KAZN: variants seen among roughly 807,000 people sequenced by gnomAD.
KAZN encodes kazrin.
In KAZN, 40 loss-of-function variants were observed where a neutral mutation model predicts 87.4. The observed-to-expected ratio is 0.46, with a 90% CI of 0.36 to 0.60. The LOEUF (loss-of-function observed/expected upper bound fraction) is 0.60. Ranked by LOEUF, KAZN falls within the 20% of genes least tolerant of loss-of-function variation. The probability of loss-of-function intolerance (pLI) is 0.00; values close to 1 mark genes in which losing one functional copy is unlikely to be tolerated. For synonymous variants in KAZN, 466 were observed against 458.3 expected, an observed-to-expected ratio of 1.02 and a Z score of -0.22; for missense variants, 898 against 1,073.9, an observed-to-expected ratio of 0.84 and a Z score of 2.29.
intron 1 of KAZN, among the ~76,000 whole-genome samples, chr1:14,833,969 TCACACA>T (rs56000715): frequency 0.02 from 2,794 of 141,798 alleles, 47 homozygotes; most frequent in African/African-American, 0.049. Flanking sequence ...CCCAAGTCAT[TCACACA>T]CACACACACA....
At chr1:14,273,140 A>C (rs1356755277) in intron 2 of KAZN, among the ~76,000 whole-genome samples, 1 of 152,096 alleles carries the variant, frequency 6.6e-6, no homozygotes, top group Non-Finnish European at 1.5e-5. Flanking sequence ...ATTGCAGATT[A>C]ACTTTAATAT....
rs112348246 is a variant in KAZN, at chr1:14,703,724, A to G, written c.226+104501A>G. ...GAGACTCTGTCTCTACAAAAGCACA[A>G]TAAAAATTAGCCAGGCATGGTGGCA... On this transcript the variant is annotated intron_variant, in intron 1 of 14. Coordinates refer to ENST00000376030, the MANE Select transcript of KAZN (RefSeq NM_201628.3). Among the ~76,000 whole-genome samples, 1,315 of 152,218 alleles carry G rather than the reference A, an allele frequency of 8.6e-3. 23 individuals are homozygous for G. The highest frequency in any genetic ancestry group is 0.029 in the African/African-American group (1,225 of 41,532).
chr1:13,949,423 T>C (rs1278066215), intron 1 of KAZN, among the ~76,000 whole-genome samples: 3 of 152,064 alleles, frequency 2.0e-5, no homozygotes, highest in African/African-American at 4.8e-5. Flanking sequence ...ACTAATTAGA[T>C]TGTTCAGGGC....
At position 14,618,813 on chromosome 1, in the gene KAZN, G is replaced by A. The variant is rs139442522; in HGVS notation, c.226+19590G>A. Reference sequence around the variant, plus strand: ...AGTGATAGTAGTATGTGCAAGGTATGTAAAAGTGTTGACAAGGGACACTTT... The same window carrying A: ...AGTGATAGTAGTATGTGCAAGGTATATAAAAGTGTTGACAAGGGACACTTT... On this transcript the variant is annotated intron_variant, in intron 1 of 14. Transcript: ENST00000376030. 2.3e-3 allele frequency among the ~76,000 whole-genome samples: 353 copies of A among 152,344 alleles called. 2 individuals carry two copies. Among genetic ancestry groups the A allele is most frequent in the Middle Eastern group, 6.8e-3 (2 of 294 alleles).
intron 2 of KAZN, among the ~76,000 whole-genome samples, chr1:14,565,137 A>G (rs893609326): frequency 6.6e-6 from 1 of 152,170 alleles, no homozygotes; most frequent in Non-Finnish European, 1.5e-5. Context: ...ACCCCTAGGT[A>G]TCTTCCCTAA....
chr1:15,094,037 C>A lies in KAZN; in HGVS notation c.1223-143C>A. 2 of 666,540 alleles carry A rather than the reference C, an allele frequency of 3.0e-6. No homozygotes were observed. The highest frequency in any genetic ancestry group is 5.0e-6 in the Non-Finnish European group (2 of 399,594). The allele number at this position is 666,540 out of a possible 1,614,324, so 41.3% of individuals were successfully genotyped here. On this transcript the variant is annotated intron_variant, in intron 8 of 14. Transcript: ENST00000376030. The surrounding 1 kb of genome is among the most constrained non-coding windows in gnomAD (Gnocchi z 4.5). Reference sequence around the variant, plus strand: ...GGGGGCAAGGGCAGAAAAACAAAAACGCCAAAAGCCACTTTGATTTTGAAG... The same window carrying A: ...GGGGGCAAGGGCAGAAAAACAAAAAAGCCAAAAGCCACTTTGATTTTGAAG...
At chr1:14,470,601 A>G (rs1271091338) in intron 2 of KAZN, among the ~76,000 whole-genome samples, 1 of 152,076 alleles carries the variant, frequency 6.6e-6, no homozygotes, top group Non-Finnish European at 1.5e-5. Flanking sequence ...GAGAGAGAGG[A>G]TATATTTTTC....
At chr1:14,937,200 C>T (rs1660557285) in intron 1 of KAZN, among the ~76,000 whole-genome samples, 2 of 152,240 alleles carry the variant, frequency 1.3e-5, no homozygotes, top group African/African-American at 2.4e-5. Context: ...GAAGATGGCT[C>T]CTCAGCAAGC....
chr1:14,415,840 G>C (rs1462347147), intron 2 of KAZN, among the ~76,000 whole-genome samples: 2 of 152,128 alleles, frequency 1.3e-5, no homozygotes, highest in East Asian at 1.9e-4. Context: ...TTGTTGTCTT[G>C]GATCAGCTTC....
intron 2 of KAZN, among the ~76,000 whole-genome samples, chr1:14,301,462 C>T (rs548382096): frequency 4.6e-5 from 7 of 152,290 alleles, no homozygotes; most frequent in South Asian, 4.1e-4. Flanking sequence ...GGCAAGCCAC[C>T]GGGGTAGTGT....
chr1:14,067,217 G>C (rs1426393821), intron 1 of KAZN, among the ~76,000 whole-genome samples: 1 of 152,150 alleles, frequency 6.6e-6, no homozygotes, highest in Non-Finnish European at 1.5e-5. Flanking sequence ...GCCTAGCACA[G>C]TGCCTGTCCC....
intron 14 of KAZN, chr1:15,114,218 T>G (rs1048964428): frequency 2.4e-6 from 1 of 420,840 alleles, no homozygotes; most frequent in South Asian, 3.0e-5. Flanking sequence ...ACTAACGATA[T>G]TTGTCCTCAC....
intron 1 of KAZN, among the ~76,000 whole-genome samples, chr1:14,789,100 G>A (rs1050853554): frequency 2.6e-5 from 4 of 152,266 alleles, no homozygotes; most frequent in South Asian, 2.1e-4. Flanking sequence ...CTTACATGTC[G>A]GGAGCATTCG....
At chr1:14,800,282 G>A (rs184744742) in intron 1 of KAZN, among the ~76,000 whole-genome samples, 19 of 152,312 alleles carry the variant, frequency 1.2e-4, no homozygotes, top group Admixed American at 6.5e-4. Flanking sequence ...ACACTCCTAT[G>A]AGCGTTCACA....
chr1:14,635,726 T>C (rs574916050), intron 1 of KAZN, among the ~76,000 whole-genome samples: 153 of 152,194 alleles, frequency 1.0e-3, no homozygotes, highest in Non-Finnish European at 1.9e-3. Context: ...TGGTCTGAAA[T>C]AACTAGACCA....
intron 1 of KAZN, among the ~76,000 whole-genome samples, chr1:14,936,808 C>T (rs1053540890): frequency 6.6e-6 from 1 of 152,174 alleles, no homozygotes; most frequent in African/African-American, 2.4e-5. Flanking sequence ...TCCCCAGATG[C>T]GACAAGCCTC....
chr1:14,127,045 G>A (rs1644887686), intron 1 of KAZN, among the ~76,000 whole-genome samples: 1 of 152,184 alleles, frequency 6.6e-6, no homozygotes, highest in Non-Finnish European at 1.5e-5. Context: ...GGTGGAGGTT[G>A]CAGTGAGCCA....
chr1:14,959,207 T>A (rs1663542487), intron 1 of KAZN, among the ~76,000 whole-genome samples: 1 of 152,026 alleles, frequency 6.6e-6, no homozygotes, highest in African/African-American at 2.4e-5. Flanking sequence ...AACATTGAGT[T>A]TGGGAAAGAG....
At chr1:14,481,063 A>G (rs1669055629) in intron 2 of KAZN, among the ~76,000 whole-genome samples, 1 of 151,840 alleles carries the variant, frequency 6.6e-6, no homozygotes, top group Admixed American at 6.6e-5. Context: ...TTCCCTAAGC[A>G]TAGCTTTGCT....
Sources: gnomAD v4.1 joint callset for allele counts (sites outside exome capture counted in the v4.1 genomes callset) on GRCh38, gnomAD v4.1.1 for gene constraint, Gnocchi (gnomAD v3.1) non-coding constraint, MANE v1.5 for transcripts, NCBI Gene and HGNC (gene_info 2026-07-23, HGNC 2026-07-21) for gene names.